The following CORIN variants were observed in gnomAD, a reference collection of about 807,000 sequenced individuals.
The protein encoded by CORIN is atrial natriuretic peptide-converting enzyme.
CORIN carries 117 observed loss-of-function variants against 125.3 expected under a neutral mutation model. The ratio of observed to expected loss-of-function variants is 0.93; its 90% CI spans 0.80 to 1.09. CORIN has a LOEUF of 1.09. Ranked by LOEUF, CORIN falls within the 50% of genes least tolerant of loss-of-function variation. The pLI is 0.00. For synonymous variants in CORIN, 450 were observed against 466.4 expected (o/e 0.96, Z 0.45); for missense variants, 1,253 against 1,306.7 (o/e 0.96, Z 0.63).
At chr4:47,611,170 A>G (rs1316269895) in intron 19 of CORIN, among the ~76,000 whole-genome samples, 1 of 152,194 alleles carries the variant, frequency 6.6e-6, no homozygotes, top group Non-Finnish European at 1.5e-5. Context: ...CATTGAATCT[A>G]TAAATTACTT....
intron 10 of CORIN, among the ~76,000 whole-genome samples, chr4:47,667,888 A>C (rs1183371159): frequency 1.3e-5 from 2 of 152,172 alleles, no homozygotes; most frequent in Non-Finnish European, 2.9e-5. Context: ...CATATGTTGA[A>C]ATCCTAACCT....
rs1577799171 is a variant in CORIN, at chr4:47,664,146, A to C, written c.1589+886T>G. Reference sequence around the variant, plus strand: ...TTGTATACCTACCCCTTGAGGGAAAACAGCACTGAAGAGAGTAGCAACTCA... The same window carrying C: ...TTGTATACCTACCCCTTGAGGGAAACCAGCACTGAAGAGAGTAGCAACTCA... On this transcript the variant is annotated intron_variant, in intron 11 of 21. Coordinates refer to ENST00000273857, the MANE Select transcript of CORIN (RefSeq NM_006587.4). Among the ~76,000 whole-genome samples, 3 of 152,292 alleles carry C rather than the reference A, an allele frequency of 2.0e-5. No individual in the cohort carries two copies. In the South Asian group the frequency reaches 6.2e-4, roughly 32 times the overall value.
intron 10 of CORIN, among the ~76,000 whole-genome samples, chr4:47,673,090 G>A (rs1724838868): frequency 6.6e-6 from 1 of 152,112 alleles, no homozygotes; most frequent in Non-Finnish European, 1.5e-5. Context: ...GCTGGGTGCA[G>A]TGGCTCGCGC....
In CORIN at chr4:47,619,738, G is replaced by A. The variant is rs7673088; in HGVS notation, c.2540+3833C>T. 1.1e-3 allele frequency among the ~76,000 whole-genome samples: 171 copies of A among 152,332 alleles called. 1 individual carries two copies. Among genetic ancestry groups the A allele is most frequent in the African/African-American group, 4.0e-3 (166 of 41,578 alleles). On this transcript the variant is annotated intron_variant, in intron 19 of 21. Coordinates refer to ENST00000273857, the MANE Select transcript of CORIN (RefSeq NM_006587.4). The stretch of plus-strand genomic sequence containing the variant: ...GATACCACATGTGGAAATAACAAAA[G>A]TGGGATATGAACCTCAATTAACTAG...
intron 16 of CORIN, among the ~76,000 whole-genome samples, chr4:47,639,112 T>C (rs889736619): frequency 2.0e-5 from 3 of 151,644 alleles, no homozygotes; most frequent in African/African-American, 7.3e-5. Flanking sequence ...AGTAGAAGAA[T>C]GATCCACTTG....
chr4:47,814,461 A>G (rs1732180534), intron 1 of CORIN, among the ~76,000 whole-genome samples: 2 of 152,154 alleles, frequency 1.3e-5, no homozygotes, highest in Admixed American at 6.6e-5. Flanking sequence ...CCCCTCATTT[A>G]AGATGAAAAA....
intron 2 of CORIN, among the ~76,000 whole-genome samples, chr4:47,803,097 C>A (rs991649919): frequency 1.3e-5 from 2 of 152,060 alleles, no homozygotes; most frequent in Admixed American, 1.3e-4. Flanking sequence ...ACCTGAAACA[C>A]CTTCCCAAGA....
At chr4:47,611,437 T>C (rs1314725640) in intron 19 of CORIN, among the ~76,000 whole-genome samples, 3 of 152,246 alleles carry the variant, frequency 2.0e-5, no homozygotes, top group African/African-American at 4.8e-5. Flanking sequence ...TTTTGCACAT[T>C]GATTTTGTAT....
chr4:47,648,284 C>T lies in CORIN; in HGVS notation c.1844-3090G>A, dbSNP rs182186002. Among the ~76,000 whole-genome samples the T allele has an allele frequency of 4.1e-3, 631 of 152,248 alleles. 2 individuals carry two copies. The highest frequency in any genetic ancestry group is 7.2e-3 in the Non-Finnish European group (488 of 68,014). On this transcript the variant is annotated intron_variant, in intron 13 of 21. Transcript: ENST00000273857. ...ATAATTGTTGATGTCAGAATAATAA[C>T]CTCTCCAGCACAGAGACAATAGCAA...
chr4:47,755,367 A>T (rs924810319), intron 4 of CORIN, among the ~76,000 whole-genome samples: 2 of 152,136 alleles, frequency 1.3e-5, no homozygotes, highest in African/African-American at 4.8e-5. Flanking sequence ...TATGCCCTCA[A>T]AGTTTCACAC....
intron 13 of CORIN, among the ~76,000 whole-genome samples, chr4:47,649,363 C>T (rs1723635592): frequency 6.6e-6 from 1 of 152,208 alleles, no homozygotes; most frequent in South Asian, 2.1e-4. Flanking sequence ...CATGCTTTAG[C>T]CTGACAGACC....
chr4:47,623,132 A>T (rs28482906), intron 19 of CORIN, among the ~76,000 whole-genome samples: 3,847 of 142,682 alleles, frequency 0.027, 155 homozygotes, highest in African/African-American at 0.088. Context: ...ACACACACAC[A>T]CTCTCTCTGA....
At chr4:47,793,544 A>G (rs1731168272) in intron 2 of CORIN, among the ~76,000 whole-genome samples, 1 of 152,220 alleles carries the variant, frequency 6.6e-6, no homozygotes, top group South Asian at 2.1e-4. Flanking sequence ...GTAGTACTCA[A>G]CACTGAGGAA....
intron 19 of CORIN, among the ~76,000 whole-genome samples, chr4:47,615,733 C>T (rs1336452179): frequency 6.6e-6 from 1 of 152,160 alleles, no homozygotes; most frequent in Non-Finnish European, 1.5e-5. Context: ...GAAACCCTGC[C>T]AGTACCTTGA....
intron 5 of CORIN, among the ~76,000 whole-genome samples, chr4:47,731,895 A>T (rs1309040224): frequency 6.6e-6 from 1 of 151,942 alleles, no homozygotes; most frequent in Non-Finnish European, 1.5e-5. Flanking sequence ...AAAAATTAGC[A>T]AATGTTGTTG....
At chr4:47,729,793 A>G (rs1277426555) in intron 5 of CORIN, among the ~76,000 whole-genome samples, 1 of 152,154 alleles carries the variant, frequency 6.6e-6, no homozygotes, top group African/African-American at 2.4e-5. Context: ...CTTAGCGCGC[A>G]CACACACGGA....
In CORIN at chr4:47,677,898, ACC is replaced by A. The variant is rs748528219; in HGVS notation, c.1249+38_1249+39del. On this transcript the variant is annotated intron_variant, in intron 9 of 21. Transcript: ENST00000273857. ...TTCCTTTGTTCCCAAGGAGAGGACC[ACC>A]AGTAAAGGAATGTTCTGGGGTGGTG... 9.7e-5 allele frequency: 133 copies of A among 1,364,258 alleles called. 2 individuals are homozygous for A. In the East Asian group the frequency reaches 3.0e-3, roughly 31 times the overall value. 84.5% of individuals were successfully genotyped at this position (1,364,258 alleles called of 1,614,324 possible).
rs754548296 is a variant in CORIN, at chr4:47,642,050, C to T, written c.2069-1G>A. ...GAGTTCACATTTATAGAGAGGGTCA[C>T]TAGGGAAAGAAAAGACAAGGGAAAC... On this transcript the variant is annotated splice_acceptor_variant, in intron 15 of 21. Transcript: ENST00000273857. LOFTEE classifies it high-confidence loss of function. 3.0e-5 allele frequency: 49 copies of T among 1,612,106 alleles called. No individual in the cohort carries two copies. The highest frequency in any genetic ancestry group is 4.2e-5 in the Non-Finnish European group (49 of 1,179,116).
intron 21 of CORIN, among the ~76,000 whole-genome samples, chr4:47,599,383 G>C (rs183366194): frequency 5.1e-4 from 78 of 152,212 alleles, no homozygotes; most frequent in African/African-American, 1.8e-3. Flanking sequence ...TTTAAATTGA[G>C]TTAGTACTTA....
Sources: gnomAD v4.1 joint callset for allele counts (sites outside exome capture counted in the v4.1 genomes callset) on GRCh38, gnomAD v4.1.1 for gene constraint, MANE v1.5 for transcripts, NCBI Gene and HGNC (gene_info 2026-07-23, HGNC 2026-07-21) for gene names.